ADAM17: variants seen among roughly 807,000 people sequenced by gnomAD.
The protein encoded by ADAM17 is disintegrin and metalloproteinase domain-containing protein 17.
A neutral mutation model predicts 96.7 loss-of-function variants in ADAM17; 39 were observed. The ratio of observed to expected loss-of-function variants is 0.40; its 90% CI spans 0.31 to 0.53. The LOEUF (loss-of-function observed/expected upper bound fraction) is 0.53. Ranked by LOEUF, ADAM17 falls within the 20% of genes least tolerant of loss-of-function variation. The pLI is 0.44. For synonymous variants in ADAM17, 344 were observed against 359.2 expected, an observed-to-expected ratio of 0.96 and a Z score of 0.48; for missense variants, 777 against 1,013.2, an observed-to-expected ratio of 0.77 and a Z score of 3.17.
chr2:9,551,786 T>C lies in ADAM17; in HGVS notation c.97+3723A>G, dbSNP rs558113772. ...AACAATATTTTTAAGTAACTTTTTTTGCATGAAAAAAAGTTTGTGTACAAC... is the reference window on the plus strand; with the variant it reads ...AACAATATTTTTAAGTAACTTTTTTCGCATGAAAAAAAGTTTGTGTACAAC... On this transcript the variant is annotated intron_variant, in intron 1 of 18. Coordinates refer to ENST00000310823, the MANE Select transcript of ADAM17 (RefSeq NM_003183.6). 1.2e-3 allele frequency among the ~76,000 whole-genome samples: 184 copies of C among 152,300 alleles called. 9 individuals carry two copies. The South Asian group carries it at 0.037, about 31-fold the overall frequency.
At chr2:9,496,828 A>G (rs1171464747) in intron 14 of ADAM17, among the ~76,000 whole-genome samples, 6 of 152,038 alleles carry the variant, frequency 3.9e-5, no homozygotes, top group Non-Finnish European at 8.8e-5. Context: ...CTACCTACCC[A>G]CCCACTCACC....
rs1410072981 is a variant in ADAM17 at position 9,555,731 on chromosome 2, C to T, written c.-126G>A. On this transcript the variant is annotated 5_prime_UTR_variant, in exon 1 of 19. Coordinates refer to ENST00000310823, the MANE Select transcript of ADAM17 (RefSeq NM_003183.6). Reference sequence around the variant, plus strand: ...TAGCCCCTCAATCCTCTTTTCCCTCCCGCGCCGCCTACTGGGAAGATTCTA... The same window carrying T: ...TAGCCCCTCAATCCTCTTTTCCCTCTCGCGCCGCCTACTGGGAAGATTCTA... The T allele has an allele frequency of 4.1e-6, 3 of 739,374 alleles. No individual in the cohort carries two copies. Among genetic ancestry groups the T allele is most frequent in the African/African-American group, 3.6e-5 (2 of 54,800 alleles). The allele number at this position is 739,374 out of a possible 1,614,324, so 45.8% of individuals were successfully genotyped here.
At position 9,521,313 on chromosome 2, in the gene ADAM17, G is replaced by A. The variant is rs869025265; in HGVS notation, c.847C>T (p.Arg283Cys). The A allele has an allele frequency of 1.9e-6, 3 of 1,589,086 alleles. No individual in the cohort carries two copies. The highest frequency in any genetic ancestry group is 1.7e-5 in the Admixed American group (1 of 59,928). Residue 283 changes from arginine to cysteine, a missense_variant, in exon 8 of 19, where the codon CGC becomes TGC. Arg to Cys is a radical substitution (Grantham distance 180, BLOSUM62 -3). This residue lies in a region of ADAM17 where 446 missense variants were observed against 664.7 expected (regional missense o/e 0.67). Transcript: ENST00000310823. ...KGYGIQIEQI[R>C]ILKSPQEVKP... Reference sequence around the variant, plus strand: ...ACCTCTTGTGGAGACTTGAGAATGCGAATCTATACTTAAAGAGATCATATA... The same window carrying A: ...ACCTCTTGTGGAGACTTGAGAATGCAAATCTATACTTAAAGAGATCATATA...
At chr2:9,550,439 C>CTTTTTTTTTTTTTTTTTT (rs35602755) in intron 1 of ADAM17, among the ~76,000 whole-genome samples, 1 of 74,164 alleles carries the variant, frequency 1.3e-5, no homozygotes, top group Non-Finnish European at 2.5e-5. Flanking sequence ...GATACTCATT[C>CTTTTTTTTTTTTTTTTTT]TTTTTTTTTT....
intron 1 of ADAM17, among the ~76,000 whole-genome samples, chr2:9,552,769 C>G (rs564156193): frequency 6.6e-6 from 1 of 152,286 alleles, no homozygotes; most frequent in African/African-American, 2.4e-5. Context: ...GCTCATATGA[C>G]TCATAACTTT....
chr2:9,520,700 A>C (rs1463201823), intron 8 of ADAM17, among the ~76,000 whole-genome samples: 1 of 152,102 alleles, frequency 6.6e-6, no homozygotes, highest in Non-Finnish European at 1.5e-5. Context: ...ATGGTGGCTC[A>C]CACTTGTAAT....
At chr2:9,498,725 G>A (rs918591872) in intron 13 of ADAM17, among the ~76,000 whole-genome samples, 4 of 152,172 alleles carry the variant, frequency 2.6e-5, no homozygotes, top group Non-Finnish European at 4.4e-5. Context: ...AACTATTACT[G>A]AAAGTATGAT....
At chr2:9,492,132 GTCA>G (rs997235558) in intron 17 of ADAM17, among the ~76,000 whole-genome samples, 3 of 152,206 alleles carry the variant, frequency 2.0e-5, no homozygotes, top group Non-Finnish European at 4.4e-5. Flanking sequence ...AAACTCCTTT[GTCA>G]TCAGAGTTGT....
intron 11 of ADAM17, among the ~76,000 whole-genome samples, chr2:9,507,714 C>CTT (rs1277510638): frequency 6.8e-6 from 1 of 147,732 alleles, no homozygotes; most frequent in African/African-American, 2.4e-5. Flanking sequence ...TTAGCAAGTT[C>CTT]TTTTTTTTCT....
At chr2:9,509,026 A>G (rs1663580900) in intron 11 of ADAM17, among the ~76,000 whole-genome samples, 2 of 152,242 alleles carry the variant, frequency 1.3e-5, no homozygotes, top group Admixed American at 1.3e-4. Context: ...AAAGATCACA[A>G]AAAGAACAGG....
chr2:9,505,196 T>C lies in ADAM17; in HGVS notation c.1514A>G (p.Asp505Gly), dbSNP rs747301065. Reference sequence around the variant, plus strand: ...CTGGACACCTTCCTTCAACGTGCAGTCGCTGTTGCAGCAGGTGTCGTTGTT... The same window carrying C: ...CTGGACACCTTCCTTCAACGTGCAGCCGCTGTTGCAGCAGGTGTCGTTGTT... ...YLNNDTCCNS[D>G]CTLKEGVQCS... The change falls in exon 12 of 19, where the codon GAC (aspartate) becomes GGC (glycine). Residue 505 changes from aspartate to glycine, a missense_variant. Around this residue, in one of 3 missense-constraint regions of ADAM17, gnomAD observed 446 missense variants for 664.7 expected, o/e 0.67. Transcript: ENST00000310823. 1 of 1,614,222 alleles carries C rather than the reference T, an allele frequency of 6.2e-7. No homozygotes were observed. Among genetic ancestry groups the C allele is most frequent in the South Asian group, 1.1e-5 (1 of 91,078 alleles).
At chr2:9,512,873 T>C (rs1021357863) in intron 10 of ADAM17, among the ~76,000 whole-genome samples, 3 of 152,152 alleles carry the variant, frequency 2.0e-5, no homozygotes, top group Non-Finnish European at 4.4e-5. Context: ...GACAGGAAGG[T>C]GCAAAACTCA....
At chr2:9,492,068 T>C (rs1406775268) in intron 17 of ADAM17, among the ~76,000 whole-genome samples, 1 of 152,148 alleles carries the variant, frequency 6.6e-6, no homozygotes, top group Non-Finnish European at 1.5e-5. Flanking sequence ...CTCTGTGAGA[T>C]GGCCCCTAGG....
chr2:9,493,688 C>A, intron 16 of ADAM17, 59 bp downstream of exon 16: 1 of 1,455,674 alleles, frequency 6.9e-7, no homozygotes, highest in East Asian at 2.3e-5. Flanking sequence ...GCACACTTTT[C>A]TAATGTCATC....
chr2:9,544,263 T>C (rs1256848949), intron 1 of ADAM17, among the ~76,000 whole-genome samples: 2 of 152,162 alleles, frequency 1.3e-5, no homozygotes, highest in East Asian at 1.9e-4. Flanking sequence ...AATGAGGCCA[T>C]GCATGGTGGC....
intron 1 of ADAM17, among the ~76,000 whole-genome samples, chr2:9,554,984 A>C (rs941054648): frequency 6.6e-6 from 1 of 152,182 alleles, no homozygotes; most frequent in Non-Finnish European, 1.5e-5. Context: ...TCGCAAAAAC[A>C]CAACTCTTAA....
At chr2:9,499,058 G>A (rs541376116) in intron 13 of ADAM17, among the ~76,000 whole-genome samples, 13 of 151,790 alleles carry the variant, frequency 8.6e-5, no homozygotes, top group African/African-American at 3.1e-4. Context: ...TAAGCTCCCA[G>A]GTGATGCTGC....
intron 10 of ADAM17, among the ~76,000 whole-genome samples, chr2:9,514,702 T>C (rs1258215543): frequency 2.0e-5 from 3 of 150,840 alleles, no homozygotes; most frequent in Non-Finnish European, 4.4e-5. Context: ...TGAAACCCCG[T>C]CTCTACTAAA....
rs1291234809 is a variant in ADAM17 at position 9,515,738 on chromosome 2, A to G, written c.1191+2163T>C. 8.9e-5 allele frequency among the ~76,000 whole-genome samples: 13 copies of G among 145,770 alleles called. No individual in the cohort carries two copies. In the East Asian group the frequency reaches 1.7e-3, roughly 20 times the overall value. On this transcript the variant is annotated intron_variant, in intron 10 of 18. Transcript: ENST00000310823. ...GACAAGAGTGAAACTCCGTCTCCAAAAAAAAAAAAAAAAGAAAAAAGAAAA... is the reference window on the plus strand; with the variant it reads ...GACAAGAGTGAAACTCCGTCTCCAAGAAAAAAAAAAAAAGAAAAAAGAAAA...
Sources: allele counts gnomAD v4.1 joint callset (sites outside exome capture counted in the v4.1 genomes callset), GRCh38; gene constraint gnomAD v4.1.1; regional missense constraint gnomAD v4.1.1; transcripts MANE v1.5; gene names NCBI Gene and HGNC (gene_info 2026-07-23, HGNC 2026-07-21).